Variants in LMNTD1 observed in about 807,000 individuals in gnomAD.
The protein encoded by LMNTD1 is lamin tail domain containing 1.
LMNTD1 carries 35 observed loss-of-function variants against 50.9 expected under a neutral mutation model. The observed-to-expected ratio is 0.69, with a 90% CI of 0.53 to 0.91. The LOEUF is 0.91. Ranked by LOEUF, LMNTD1 falls within the 40% of genes least tolerant of loss-of-function variation. The probability of loss-of-function intolerance (pLI) is 0.00; values close to 1 mark genes in which losing one functional copy is unlikely to be tolerated. For synonymous variants in LMNTD1, 153 were observed against 161.9 expected, an observed-to-expected ratio of 0.94 and a Z score of 0.42; for missense variants, 470 against 475.5, an observed-to-expected ratio of 0.99 and a Z score of 0.11.
intron 6 of LMNTD1, among the ~76,000 whole-genome samples, chr12:25,521,845 A>G (rs757555526): frequency 4.6e-5 from 7 of 152,138 alleles, no homozygotes; most frequent in Non-Finnish European, 8.8e-5. Flanking sequence ...TATTAAGGAG[A>G]CCCATAAGCA....
Position 25,640,578 on chromosome 12 carries a change from C to T in LMNTD1, c.58+7916G>A, listed in dbSNP as rs116483710. ...TGTATATATTAAGAATCATTAATTA[C>T]ATTAAATAATGTTATTTAAAAATTT... On this transcript the variant is annotated intron_variant, in intron 1 of 7. Transcript: ENST00000445693. Among the ~76,000 whole-genome samples the T allele has an allele frequency of 4.1e-3, 616 of 151,716 alleles. 1 individual carries two copies. The highest frequency in any genetic ancestry group is 0.014 in the African/African-American group (577 of 41,368).
At chr12:25,480,100 C>T (rs555654642) in intron 9 of LMNTD1, among the ~76,000 whole-genome samples, 1 of 152,318 alleles carries the variant, frequency 6.6e-6, no homozygotes, top group East Asian at 1.9e-4. Context: ...GCTGAGGTCA[C>T]CCAATGGTGA....
chr12:25,627,802 T>G (rs1395621156), intron 1 of LMNTD1, among the ~76,000 whole-genome samples: 3 of 152,180 alleles, frequency 2.0e-5, no homozygotes, highest in African/African-American at 7.2e-5. Flanking sequence ...TTGTAGCCAA[T>G]CCTTTTCTTT....
At chr12:25,527,335 G>A (rs1440653686) in intron 4 of LMNTD1, among the ~76,000 whole-genome samples, 1 of 151,722 alleles carries the variant, frequency 6.6e-6, no homozygotes, top group Non-Finnish European at 1.5e-5. Flanking sequence ...CTTTATTTCT[G>A]ATAAAGTGAC....
intron 9 of LMNTD1, among the ~76,000 whole-genome samples, chr12:25,501,847 A>G (rs1451682402): frequency 6.6e-6 from 1 of 152,212 alleles, no homozygotes; most frequent in Non-Finnish European, 1.5e-5. Flanking sequence ...AGCAATAGAT[A>G]AATCATCCAC....
intron 1 of LMNTD1, among the ~76,000 whole-genome samples, chr12:25,631,077 A>G (rs1027895327): frequency 7.9e-5 from 12 of 152,294 alleles, no homozygotes; most frequent in African/African-American, 2.6e-4. Context: ...AGAGGCAGCC[A>G]TAATCCGCCT....
At chr12:25,533,909 C>T (rs761212341) in intron 4 of LMNTD1, among the ~76,000 whole-genome samples, 1 of 152,186 alleles carries the variant, frequency 6.6e-6, no homozygotes, top group Non-Finnish European at 1.5e-5. Flanking sequence ...ATCATGATCT[C>T]AGTGAGGCCC....
chr12:25,599,550 A>C (rs1332067939), intron 1 of LMNTD1, among the ~76,000 whole-genome samples: 3 of 152,024 alleles, frequency 2.0e-5, no homozygotes, highest in Non-Finnish European at 4.4e-5. Flanking sequence ...ATTTGGAAAA[A>C]CCTAAAGACT....
At chr12:25,526,658 G>A (rs539485742) in intron 5 of LMNTD1, 111 bp downstream of exon 5, 14 of 681,038 alleles carry the variant, frequency 2.1e-5, no homozygotes, top group South Asian at 9.4e-5. Context: ...CACATCTTAC[G>A]TACAGATCCA....
intron 1 of LMNTD1, among the ~76,000 whole-genome samples, chr12:25,580,079 C>T (rs907975999): frequency 2.6e-5 from 4 of 152,144 alleles, no homozygotes; most frequent in African/African-American, 7.2e-5. Context: ...CCACAGTAGG[C>T]TACTAGACAC....
chr12:25,637,832 A>C (rs1380621900), intron 1 of LMNTD1, among the ~76,000 whole-genome samples: 1 of 151,962 alleles, frequency 6.6e-6, no homozygotes, highest in Admixed American at 6.6e-5. Flanking sequence ...TGAAAATATC[A>C]TTAATCATTA....
intron 9 of LMNTD1, among the ~76,000 whole-genome samples, chr12:25,498,109 G>C (rs543721872): frequency 2.2e-4 from 34 of 152,220 alleles, no homozygotes; most frequent in Non-Finnish European, 3.8e-4. Flanking sequence ...CACAGAATCT[G>C]AAGCAATCAT....
intron 9 of LMNTD1, among the ~76,000 whole-genome samples, chr12:25,492,922 A>G (rs1938933663): frequency 6.6e-6 from 1 of 152,168 alleles, no homozygotes; most frequent in African/African-American, 2.4e-5. Flanking sequence ...TTTATTCCAT[A>G]TTCTAAACGT....
intron 1 of LMNTD1, among the ~76,000 whole-genome samples, chr12:25,607,527 C>T (rs1946141462): frequency 6.6e-6 from 1 of 152,126 alleles, no homozygotes; most frequent in South Asian, 2.1e-4. Flanking sequence ...GATTCTGGTT[C>T]ATTGTGTCCT....
intron 4 of LMNTD1, among the ~76,000 whole-genome samples, chr12:25,527,669 T>TAC (rs1650540038): frequency 4.4e-5 from 1 of 22,750 alleles, no homozygotes; most frequent in Non-Finnish European, 1.2e-4. Flanking sequence ...TATATATATA[T>TAC]ATATATATAT....
intron 1 of LMNTD1, among the ~76,000 whole-genome samples, chr12:25,635,199 C>T (rs1946803761): frequency 7.1e-6 from 1 of 140,794 alleles, no homozygotes; most frequent in Non-Finnish European, 1.5e-5. Flanking sequence ...GAAATCACAC[C>T]ATTGCACTCC....
At chr12:25,506,347 A>C (rs1424717491) in intron 8 of LMNTD1, among the ~76,000 whole-genome samples, 2 of 152,230 alleles carry the variant, frequency 1.3e-5, no homozygotes, top group Non-Finnish European at 2.9e-5. Context: ...CAGAGTCCAC[A>C]ATTAAGATGA....
At position 25,576,951 on chromosome 12, in the gene LMNTD1, C is replaced by T. The variant is rs543055495; in HGVS notation, c.59-30397G>A. Among the ~76,000 whole-genome samples the T allele has an allele frequency of 3.2e-4, 48 of 152,268 alleles. No homozygotes were observed. The East Asian group carries it at 9.1e-3, about 29-fold the overall frequency. On this transcript the variant is annotated intron_variant, in intron 1 of 7. Transcript: ENST00000445693. ...CAGCACCATTTATTAAATAGGGAAT[C>T]CTTTCCCCATTGCTTGTTTTTCCCA...
At chr12:25,606,842 C>T (rs551833016) in intron 1 of LMNTD1, among the ~76,000 whole-genome samples, 1 of 152,240 alleles carries the variant, frequency 6.6e-6, no homozygotes, top group Admixed American at 6.5e-5. Context: ...TGATGCTGGC[C>T]TCATAAAATG....
Sources: gnomAD v4.1 joint callset for allele counts (sites outside exome capture counted in the v4.1 genomes callset) on GRCh38, gnomAD v4.1.1 for gene constraint, MANE v1.5 for transcripts, NCBI Gene and HGNC (gene_info 2026-07-23, HGNC 2026-07-21) for gene names.